Variants in POU2F2 observed in about 807,000 individuals in gnomAD.
POU2F2 encodes the protein POU domain, class 2, transcription factor 2.
A neutral mutation model predicts 63.5 loss-of-function variants in POU2F2; 14 were observed. The observed-to-expected ratio is 0.22, with a 90% CI of 0.15 to 0.34. The LOEUF (loss-of-function observed/expected upper bound fraction) is 0.34, where lower values mean the gene tolerates loss of function less well. Ranked by LOEUF, POU2F2 falls within the 10% of genes least tolerant of loss-of-function variation. POU2F2 has a pLI of 1.00. For synonymous variants in POU2F2, 306 were observed against 348.6 expected (o/e 0.88, Z 1.36); for missense variants, 607 against 815.2 (o/e 0.74, Z 3.11).
chr19:42,183,312 C>T (rs1205468371), intron 1 of POU2F2, among the ~76,000 whole-genome samples: 1 of 152,110 alleles, frequency 6.6e-6, no homozygotes, highest in Non-Finnish European at 1.5e-5. Context: ...CACAGAAGTA[C>T]CTCAAAACCA....
In POU2F2 at chr19:42,095,910, A is replaced by G. The variant is rs1313750213; in HGVS notation, c.749T>C (p.Met250Thr). The stretch of plus-strand genomic sequence containing the variant: ...GAAGTCGTTGCCGTAGAGCTTGCCC[A>G]TGGCCAGGCCCACATCACCCTGGGC... ...GFTQGDVGLA[M>T]GKLYGNDFSQ... is the part of the protein sequence containing the mutation. The change falls in exon 9 of 15, where the codon ATG (methionine) becomes ACG (threonine). Residue 250 changes from methionine (M) to threonine (T), a missense_variant. Transcript: ENST00000692977. The surrounding 1 kb of genome is among the most constrained non-coding windows in gnomAD (Gnocchi z 7.1). 1.2e-6 allele frequency: 2 copies of G among 1,613,214 alleles called. No homozygotes were observed. Among genetic ancestry groups the G allele is most frequent in the Non-Finnish European group, 1.7e-6 (2 of 1,179,606 alleles).
chr19:42,162,910 C>T lies in POU2F2; in HGVS notation c.-69-2518G>A, dbSNP rs1419688661. Among the ~76,000 whole-genome samples the T allele has an allele frequency of 6.6e-6, 1 of 152,164 alleles. No homozygotes were observed. Among genetic ancestry groups the T allele is most frequent in the Non-Finnish European group, 1.5e-5 (1 of 68,014 alleles). ...CACAGACACATCAGTACTGGCATTT[C>T]CTGAGTGCTGGTCATGCACCAGGGG... On this transcript the variant is annotated intron_variant, in intron 1 of 6. Coordinates refer to the POU2F2 transcript ENST00000524801. The surrounding 1 kb of genome is among the most constrained non-coding windows in gnomAD (Gnocchi z 4.1).
rs530252715 is a variant in POU2F2, at chr19:42,153,667, A to G, written c.-9+6665T>C. Among the ~76,000 whole-genome samples, 17 of 152,106 alleles carry G rather than the reference A, an allele frequency of 1.1e-4. No homozygotes were observed. In the South Asian group the frequency reaches 3.1e-3, roughly 28 times the overall value. ...GTCCATGCGGTTTCTCTGTGTGTCT[A>G]TGTGATGCTGTGTGTCCCTGTGTGC... is the stretch of plus-strand genomic sequence containing the variant. On this transcript the variant is annotated intron_variant, in intron 2 of 6. Coordinates refer to the POU2F2 transcript ENST00000524801. The surrounding 1 kb of genome is among the most constrained non-coding windows in gnomAD (Gnocchi z 5.6).
rs539558288 is a variant in POU2F2 at position 42,153,975 on chromosome 19, G to A, written c.-9+6357C>T. On this transcript the variant is annotated intron_variant, in intron 2 of 6. Transcript: ENST00000524801. This position sits in a 1 kb window ranked among gnomAD's most constrained non-coding sequence, Gnocchi z 5.6. ...CCTGCCAGGATGGGCCCAGGCCCCC[G>A]TCCCTCCCCCGGCACCTTGGGCAGG... 6.0e-5 allele frequency among the ~76,000 whole-genome samples: 9 copies of A among 151,026 alleles called. No homozygotes were observed. The highest frequency in any genetic ancestry group is 8.9e-5 in the Non-Finnish European group (6 of 67,750).
At chr19:42,167,455 C>T (rs556375544) in intron 1 of POU2F2, among the ~76,000 whole-genome samples, 7 of 150,908 alleles carry the variant, frequency 4.6e-5, no homozygotes, top group Admixed American at 6.6e-5. Flanking sequence ...CTCTGTCCCC[C>T]CAAACTCCAA....
intron 7 of POU2F2, among the ~76,000 whole-genome samples, chr19:42,097,995 C>G (rs527526724): frequency 6.6e-6 from 1 of 152,250 alleles, no homozygotes; most frequent in East Asian, 1.9e-4. Context: ...GTTTTAGAGA[C>G]CAGTCTTGCT....
At chr19:42,194,715 C>A (rs571018356) in intron 1 of POU2F2, among the ~76,000 whole-genome samples, 62 of 116,450 alleles carry the variant, frequency 5.3e-4, no homozygotes, top group African/African-American at 2.1e-3. Flanking sequence ...GCCGAAATCA[C>A]GCCACTGAAG....
intron 1 of POU2F2, among the ~76,000 whole-genome samples, chr19:42,161,251 G>T (rs142798671): frequency 2.0e-5 from 3 of 152,328 alleles, no homozygotes; most frequent in African/African-American, 7.2e-5. Context: ...GACTTTGCCT[G>T]TCCAGGGTTC....
intron 1 of POU2F2, among the ~76,000 whole-genome samples, chr19:42,164,576 A>AC (rs1328307273): frequency 6.6e-6 from 1 of 152,010 alleles, no homozygotes; most frequent in Non-Finnish European, 1.5e-5. Context: ...GTCTCAAAAA[A>AC]AAAAAAAATC....
intron 1 of POU2F2, among the ~76,000 whole-genome samples, chr19:42,175,656 C>T (rs1052291405): frequency 1.3e-5 from 2 of 151,946 alleles, no homozygotes; most frequent in African/African-American, 4.8e-5. Context: ...AATAAAGGAG[C>T]TGAGAAAGGA....
intron 1 of POU2F2, among the ~76,000 whole-genome samples, chr19:42,124,779 G>A (rs756625512): frequency 3.3e-5 from 5 of 152,236 alleles, no homozygotes; most frequent in Admixed American, 6.5e-5. Context: ...GAAGCTTGGA[G>A]ACATGAGGCT....
intron 2 of POU2F2, among the ~76,000 whole-genome samples, chr19:42,143,179 A>G (rs542112061): frequency 4.6e-5 from 7 of 152,124 alleles, no homozygotes; most frequent in African/African-American, 7.2e-5. Flanking sequence ...CCTGGCCAAC[A>G]TGGTGAAATC....
chr19:42,144,071 C>T (rs2034183459), intron 2 of POU2F2, among the ~76,000 whole-genome samples: 1 of 152,210 alleles, frequency 6.6e-6, no homozygotes, highest in Non-Finnish European at 1.5e-5. Context: ...CCCAGGTGCA[C>T]AAAATTGGAT....
chr19:42,161,958 G>T (rs1444982359), intron 1 of POU2F2, among the ~76,000 whole-genome samples: 1 of 152,202 alleles, frequency 6.6e-6, no homozygotes. Flanking sequence ...GGGCAAAATC[G>T]ATGGCGTTTA....
intron 1 of POU2F2, among the ~76,000 whole-genome samples, chr19:42,195,733 C>T (rs2035136982): frequency 1.4e-5 from 2 of 148,122 alleles, no homozygotes; most frequent in Admixed American, 1.3e-4. Context: ...TCCCTCCCTC[C>T]CTCCCTTCCT....
Position 42,151,953 on chromosome 19 carries a change from G to A in POU2F2, c.-9+8379C>T, listed in dbSNP as rs1005343236. Among the ~76,000 whole-genome samples the A allele has an allele frequency of 4.6e-5, 7 of 152,344 alleles. No homozygotes were observed. In the South Asian group the frequency reaches 1.2e-3, roughly 27 times the overall value. On this transcript the variant is annotated intron_variant, in intron 2 of 6. Transcript: ENST00000524801. Reference sequence around the variant, plus strand: ...AGAAACTTAACGTCCGTCAGAAAGGGCAGGAAACCAACATAGACAGGGTGC... The same window carrying A: ...AGAAACTTAACGTCCGTCAGAAAGGACAGGAAACCAACATAGACAGGGTGC...
At chr19:42,145,941 A>C (rs1474546511) in intron 2 of POU2F2, among the ~76,000 whole-genome samples, 1 of 151,814 alleles carries the variant, frequency 6.6e-6, no homozygotes, top group Non-Finnish European at 1.5e-5. Flanking sequence ...CTCAAAAAAA[A>C]AAGAGTTCTG....
At chr19:42,177,076 G>A (rs1207020895), upstream of POU2F2, 1 of 149,908 alleles carries the variant, frequency 6.7e-6, no homozygotes. Flanking sequence ...AGGCGGGCGG[G>A]CGCGCAGGCG....
intron 5 of POU2F2, among the ~76,000 whole-genome samples, chr19:42,106,830 G>GAGGAGAAGGAGGAGT (rs1415222970): frequency 8.1e-4 from 122 of 151,342 alleles, no homozygotes; most frequent in African/African-American, 2.9e-3. Context: ...GAAGGAGGAG[G>GAGGAGAAGGAGGAGT]AGGAGGAGCA....
Sources: gnomAD v4.1 joint callset for allele counts (sites outside exome capture counted in the v4.1 genomes callset) on GRCh38, gnomAD v4.1.1 for gene constraint, Gnocchi (gnomAD v3.1) non-coding constraint, MANE v1.5 for transcripts, NCBI Gene and HGNC (gene_info 2026-07-23, HGNC 2026-07-21) for gene names.